The following OXR1 variants were observed in gnomAD, a reference collection of about 807,000 sequenced individuals.
The protein encoded by OXR1 is oxidation resistance protein 1.
Under a neutral mutation model 104.6 loss-of-function variants are expected in OXR1, and 41 were observed. The ratio of observed to expected loss-of-function variants is 0.39; its 90% CI spans 0.31 to 0.51. The LOEUF (loss-of-function observed/expected upper bound fraction) is 0.51. Among genes scored for constraint, OXR1 ranks in the 20% least tolerant of loss-of-function variants. The probability of loss-of-function intolerance (pLI) is 0.77; values close to 1 mark genes in which losing one functional copy is unlikely to be tolerated. For synonymous variants in OXR1, 348 were observed against 348.4 expected (o/e 1.00, Z 0.01); for missense variants, 955 against 1,031.9 (o/e 0.93, Z 1.02).
chr8:106,510,403 C>T (rs1417416373), intron 2 of OXR1, among the ~76,000 whole-genome samples: 2 of 152,130 alleles, frequency 1.3e-5, no homozygotes, highest in African/African-American at 4.8e-5. Flanking sequence ...TCTCATATTA[C>T]CTCTTTCTCT....
At chr8:106,495,297 TA>T (rs1399702122) in intron 2 of OXR1, among the ~76,000 whole-genome samples, 14 of 152,148 alleles carry the variant, frequency 9.2e-5, no homozygotes. Context: ...TGAAATCAGG[TA>T]ACTATTGAAA....
chr8:106,611,419 C>G (rs529775011), intron 3 of OXR1, among the ~76,000 whole-genome samples: 1 of 152,146 alleles, frequency 6.6e-6, no homozygotes, highest in Non-Finnish European at 1.5e-5. Flanking sequence ...TAACTCTGTA[C>G]GCATTTCATT....
At chr8:106,675,638 A>G (rs376952604) in intron 3 of OXR1, among the ~76,000 whole-genome samples, 11 of 152,060 alleles carry the variant, frequency 7.2e-5, no homozygotes, top group Admixed American at 2.0e-4. Context: ...AATTTTTCTA[A>G]TTTGATTTTG....
In OXR1 at chr8:106,418,986, G is replaced by A. The variant is rs145279541; in HGVS notation, c.23+59350G>A. Reference sequence around the variant, plus strand: ...TTTTATAAAAATGCTCATAACCAACGCTCATAACCATTACACATATAGCAC... The same window carrying A: ...TTTTATAAAAATGCTCATAACCAACACTCATAACCATTACACATATAGCAC... On this transcript the variant is annotated intron_variant, in intron 2 of 16. Coordinates refer to ENST00000517566, the MANE Select transcript of OXR1 (RefSeq NM_001198533.2). Among the ~76,000 whole-genome samples the A allele has an allele frequency of 5.9e-5, 9 of 152,052 alleles. No individual in the cohort carries two copies. In the East Asian group the frequency reaches 9.6e-4, roughly 16 times the overall value.
Position 106,287,510 on chromosome 8 carries a change from C to T in OXR1, c.-139+17143C>T, listed in dbSNP as rs184766392. ...ATGAAACACCTTGGTTGGCTCACTTCCAATTAGAGGGAAAAGTGCAATAAA... is the reference window on the plus strand; with the variant it reads ...ATGAAACACCTTGGTTGGCTCACTTTCAATTAGAGGGAAAAGTGCAATAAA... On this transcript the variant is annotated intron_variant, in intron 1 of 16. Coordinates refer to ENST00000517566, the MANE Select transcript of OXR1 (RefSeq NM_001198533.2). 9.1e-4 allele frequency among the ~76,000 whole-genome samples: 139 copies of T among 152,204 alleles called. 1 individual carries two copies. Among genetic ancestry groups the T allele is most frequent in the Admixed American group, 2.6e-3 (40 of 15,290 alleles).
chr8:106,739,643 C>G, intron 13 of OXR1, 60 bp downstream of exon 13: 1 of 1,530,702 alleles, frequency 6.5e-7, no homozygotes, highest in Non-Finnish European at 8.9e-7. Context: ...GAGAGTAAAA[C>G]AGCCTCTTTT....
At chr8:106,318,640 G>A (rs1476765948) in intron 1 of OXR1, among the ~76,000 whole-genome samples, 1 of 152,116 alleles carries the variant, frequency 6.6e-6, no homozygotes, top group Non-Finnish European at 1.5e-5. Context: ...TTAGTGAGGA[G>A]GGCATCTTGC....
intron 6 of OXR1, among the ~76,000 whole-genome samples, chr8:106,687,697 GA>G (rs1828871413): frequency 6.7e-6 from 1 of 148,728 alleles, no homozygotes; most frequent in African/African-American, 2.5e-5. Flanking sequence ...CTGGGTTACA[GA>G]GTGAGACTCT....
chr8:106,354,082 T>G (rs1387384876), intron 1 of OXR1, among the ~76,000 whole-genome samples: 1 of 151,426 alleles, frequency 6.6e-6, no homozygotes, highest in Non-Finnish European at 1.5e-5. Context: ...TTTTGAGAAA[T>G]GTCCATTCAG....
intron 2 of OXR1, among the ~76,000 whole-genome samples, chr8:106,494,698 A>G (rs1054133338): frequency 3.9e-5 from 6 of 152,196 alleles, no homozygotes; most frequent in Admixed American, 3.3e-4. Flanking sequence ...AGTGATCAAA[A>G]TGTAAAGTCC....
At chr8:106,742,886 G>A (rs1359497649) in intron 15 of OXR1, among the ~76,000 whole-genome samples, 2 of 152,046 alleles carry the variant, frequency 1.3e-5, no homozygotes, top group South Asian at 2.1e-4. Flanking sequence ...ACATAGATAC[G>A]GGCAAAGATT....
chr8:106,379,533 C>CTT (rs1817047602), intron 2 of OXR1, among the ~76,000 whole-genome samples: 2 of 96,970 alleles, frequency 2.1e-5, no homozygotes, highest in Admixed American at 1.1e-4. Context: ...TTTTTTCTTT[C>CTT]TTTCTTTTTT....
At chr8:106,464,521 A>AT (rs1033451106) in intron 2 of OXR1, among the ~76,000 whole-genome samples, 7 of 151,520 alleles carry the variant, frequency 4.6e-5, no homozygotes, top group Non-Finnish European at 5.9e-5. Context: ...CTATTATGGT[A>AT]TTTTTTTTTC....
chr8:106,542,213 T>G (rs1815006298), intron 3 of OXR1, among the ~76,000 whole-genome samples: 1 of 152,172 alleles, frequency 6.6e-6, no homozygotes, highest in African/African-American at 2.4e-5. Flanking sequence ...GTAGGCAAAG[T>G]GTTCAGCAGC....
intron 2 of OXR1, among the ~76,000 whole-genome samples, chr8:106,421,189 G>A (rs1208032317): frequency 1.3e-5 from 2 of 151,850 alleles, no homozygotes; most frequent in African/African-American, 2.4e-5. Context: ...TGTGTCCCCC[G>A]GCCCCTACAA....
At chr8:106,346,300 A>T (rs1484620568) in intron 1 of OXR1, among the ~76,000 whole-genome samples, 3 of 152,222 alleles carry the variant, frequency 2.0e-5, no homozygotes, top group African/African-American at 7.2e-5. Flanking sequence ...GCGATAGTAA[A>T]CTAAAACCTC....
In OXR1 at chr8:106,405,982, T is replaced by C. The variant is rs952225850; in HGVS notation, c.23+46346T>C. Among the ~76,000 whole-genome samples, 4 of 152,328 alleles carry C rather than the reference T, an allele frequency of 2.6e-5. No individual in the cohort carries two copies. In the East Asian group the frequency reaches 7.7e-4, roughly 29 times the overall value. ...CAACATTATATTAAATAACTCTATC[T>C]TATATACTGTATATAATTAACTCTA... On this transcript the variant is annotated intron_variant, in intron 2 of 16. Transcript: ENST00000517566.
At chr8:106,278,674 A>C (rs1480651105) in intron 1 of OXR1, among the ~76,000 whole-genome samples, 1 of 152,220 alleles carries the variant, frequency 6.6e-6, no homozygotes, top group Non-Finnish European at 1.5e-5. Flanking sequence ...CCCTTTGCGT[A>C]GATCACAGTG....
chr8:106,275,313 G>T (rs1258630430), intron 1 of OXR1, among the ~76,000 whole-genome samples: 2 of 152,208 alleles, frequency 1.3e-5, no homozygotes, highest in Non-Finnish European at 2.9e-5. Flanking sequence ...TCTGAGCAAG[G>T]AGAGGTGGTT....
Sources: gnomAD v4.1 joint callset for allele counts (sites outside exome capture counted in the v4.1 genomes callset) on GRCh38, gnomAD v4.1.1 for gene constraint, MANE v1.5 for transcripts, NCBI Gene and HGNC (gene_info 2026-07-23, HGNC 2026-07-21) for gene names.